Variants in GPR158 observed in about 807,000 individuals in gnomAD.
GPR158 encodes the protein metabotropic glycine receptor.
In GPR158, 30 loss-of-function variants were observed where a neutral mutation model predicts 78.2. The ratio of observed to expected loss-of-function variants is 0.38; its 90% CI spans 0.29 to 0.52. The LOEUF (loss-of-function observed/expected upper bound fraction) is 0.52, where lower values mean the gene tolerates loss of function less well. Among genes scored for constraint, GPR158 ranks in the 20% least tolerant of loss-of-function variants. The pLI, the probability that GPR158 is intolerant of heterozygous loss-of-function variation, is 0.83. For synonymous variants in GPR158, 581 were observed against 591.1 expected, an observed-to-expected ratio of 0.98 and a Z score of 0.25; for missense variants, 1,463 against 1,523.5, an observed-to-expected ratio of 0.96 and a Z score of 0.66.
intron 2 of GPR158, among the ~76,000 whole-genome samples, chr10:25,371,211 A>T (rs1275087878): frequency 6.7e-6 from 1 of 149,848 alleles, no homozygotes; most frequent in Non-Finnish European, 1.5e-5. Flanking sequence ...TCCTGTCATT[A>T]TGATGTTAGC....
chr10:25,269,726 C>T (rs1327802874), intron 2 of GPR158, among the ~76,000 whole-genome samples: 3 of 152,150 alleles, frequency 2.0e-5, no homozygotes, highest in African/African-American at 4.8e-5. Flanking sequence ...GCTGTTTTCC[C>T]CATTTCATGA....
intron 4 of GPR158, among the ~76,000 whole-genome samples, chr10:25,423,718 C>T (rs1257667721): frequency 1.3e-5 from 2 of 152,118 alleles, no homozygotes; most frequent in Non-Finnish European, 2.9e-5. Context: ...ATGAACTCAT[C>T]CATTTTTATG....
intron 7 of GPR158, among the ~76,000 whole-genome samples, chr10:25,587,881 G>C (rs1837291602): frequency 6.6e-6 from 1 of 152,210 alleles, no homozygotes; most frequent in Non-Finnish European, 1.5e-5. Flanking sequence ...TTGGATGGAT[G>C]ATCCATGTTT....
intron 2 of GPR158, among the ~76,000 whole-genome samples, chr10:25,299,329 G>A: frequency 6.6e-6 from 1 of 151,974 alleles, no homozygotes. Flanking sequence ...AATGTATCTT[G>A]GATCCCTAGA....
At chr10:25,576,970 C>CAAAAAA (rs765153642) in intron 7 of GPR158, among the ~76,000 whole-genome samples, 87 of 113,724 alleles carry the variant, frequency 7.7e-4, no homozygotes, top group African/African-American at 2.6e-3. Flanking sequence ...ACAGTGTTCT[C>CAAAAAA]AAAAAAAAAA....
intron 6 of GPR158, among the ~76,000 whole-genome samples, chr10:25,572,222 C>A (rs1837018397): frequency 6.6e-6 from 1 of 152,124 alleles, no homozygotes; most frequent in Admixed American, 6.5e-5. Flanking sequence ...GTATATGAAC[C>A]TATTGACTCA....
rs755737179 is a variant in GPR158 at position 25,599,128 on chromosome 10, C to T, written c.3502C>T (p.Arg1168Ter). The T allele has an allele frequency of 2.8e-5, 45 of 1,611,308 alleles. No individual in the cohort carries two copies. Among genetic ancestry groups the T allele is most frequent in the Non-Finnish European group, 3.1e-5 (37 of 1,179,964 alleles). Residue 1168 changes from arginine (R) to a stop codon, truncating the protein, a stop_gained, in exon 11 of 11, where the codon CGA (arginine) becomes TGA (stop). Coordinates refer to ENST00000376351, the MANE Select transcript of GPR158 (RefSeq NM_020752.3). LOFTEE classifies it high-confidence loss of function. Reference sequence around the variant, plus strand: ...TAACTTCCAGCAACCTTTAACATCACGAGCAGAGGTTTGTCCTTGGGAGTT... The same window carrying T: ...TAACTTCCAGCAACCTTTAACATCATGAGCAGAGGTTTGTCCTTGGGAGTT... Reference protein sequence around the residue: ...SNNFQQPLTSRAEVCPWEFET... With the variant: ...SNNFQQPLTS
intron 2 of GPR158, among the ~76,000 whole-genome samples, chr10:25,242,433 C>A (rs146998938): frequency 6.6e-6 from 1 of 152,144 alleles, no homozygotes; most frequent in Non-Finnish European, 1.5e-5. Flanking sequence ...GATTGAATTC[C>A]TTAGAGAAAA....
intron 2 of GPR158, among the ~76,000 whole-genome samples, chr10:25,332,149 C>G (rs1243860277): frequency 6.6e-6 from 1 of 152,072 alleles, no homozygotes; most frequent in Non-Finnish European, 1.5e-5. Flanking sequence ...TTTCCCATAC[C>G]TAGAGATTCT....
At chr10:25,392,530 A>T (rs1201989951) in intron 2 of GPR158, among the ~76,000 whole-genome samples, 2 of 152,166 alleles carry the variant, frequency 1.3e-5, no homozygotes, top group Admixed American at 1.3e-4. Flanking sequence ...CTTAATTTTT[A>T]TATTTTTATC....
chr10:25,293,393 G>A (rs924881394), intron 2 of GPR158, among the ~76,000 whole-genome samples: 1 of 152,104 alleles, frequency 6.6e-6, no homozygotes, highest in Non-Finnish European at 1.5e-5. Flanking sequence ...TAAATAAATG[G>A]GGATCATCTT....
At chr10:25,194,831 C>T (rs770105058) in intron 1 of GPR158, among the ~76,000 whole-genome samples, 1 of 152,066 alleles carries the variant, frequency 6.6e-6, no homozygotes, top group Non-Finnish European at 1.5e-5. Context: ...ATTTTTGCAT[C>T]TATAAATTTT....
intron 5 of GPR158, among the ~76,000 whole-genome samples, chr10:25,504,556 C>T (rs757028174): frequency 6.6e-6 from 1 of 152,130 alleles, no homozygotes; most frequent in Non-Finnish European, 1.5e-5. Flanking sequence ...ACAGTCAGGA[C>T]CAACAAAGGC....
chr10:25,352,257 T>A (rs1429434953), intron 2 of GPR158, among the ~76,000 whole-genome samples: 1 of 152,042 alleles, frequency 6.6e-6, no homozygotes, highest in African/African-American at 2.4e-5. Context: ...GCCCATTACT[T>A]TAGTTAATTA....
chr10:25,228,236 C>T (rs1220413759), intron 2 of GPR158, among the ~76,000 whole-genome samples: 1 of 151,982 alleles, frequency 6.6e-6, no homozygotes, highest in Non-Finnish European at 1.5e-5. Flanking sequence ...GATTGTGCCC[C>T]TGCACTTCAG....
chr10:25,288,729 A>T (rs561203352), intron 2 of GPR158, among the ~76,000 whole-genome samples: 68 of 152,308 alleles, frequency 4.5e-4, no homozygotes, highest in African/African-American at 1.6e-3. Context: ...GGAATTTTCT[A>T]TCAAAAGGCT....
chr10:25,574,653 G>A (rs1476998015), intron 7 of GPR158, among the ~76,000 whole-genome samples: 4 of 152,156 alleles, frequency 2.6e-5, no homozygotes, highest in African/African-American at 4.8e-5. Context: ...TTGGGAGGCC[G>A]AGGTGGGTGA....
At chr10:25,348,082 C>A (rs1335397143) in intron 2 of GPR158, among the ~76,000 whole-genome samples, 1 of 151,872 alleles carries the variant, frequency 6.6e-6, no homozygotes, top group Non-Finnish European at 1.5e-5. Flanking sequence ...GGATCTGGGC[C>A]TGTGTCTACC....
At chr10:25,488,175 C>T (rs536794581) in intron 5 of GPR158, among the ~76,000 whole-genome samples, 44 of 152,062 alleles carry the variant, frequency 2.9e-4, no homozygotes, top group African/African-American at 1.1e-3. Context: ...TTCCCTCTAC[C>T]GTGTCCAACC....
Sources: allele counts gnomAD v4.1 joint callset (sites outside exome capture counted in the v4.1 genomes callset), GRCh38; gene constraint gnomAD v4.1.1; transcripts MANE v1.5; gene names NCBI Gene and HGNC (gene_info 2026-07-23, HGNC 2026-07-21).